ADAMTS2: variants seen among roughly 807,000 people sequenced by gnomAD.
ADAMTS2 encodes the protein ADAM metallopeptidase with thrombospondin type 1 motif 2.
In ADAMTS2, 50 loss-of-function variants were observed where a neutral mutation model predicts 123.0. That is an observed-to-expected ratio of 0.41 (90% CI 0.32 to 0.51). The LOEUF (loss-of-function observed/expected upper bound fraction) is 0.51. ADAMTS2 is among the 20% of genes least tolerant of loss of function. The pLI is 0.35. For synonymous variants in ADAMTS2, 678 were observed against 695.4 expected (o/e 0.98, Z 0.39); for missense variants, 1,494 against 1,705.2 (o/e 0.88, Z 2.18).
intron 3 of ADAMTS2, among the ~76,000 whole-genome samples, chr5:179,270,543 G>A (rs60007930): frequency 0.051 from 7,757 of 152,126 alleles, 357 homozygotes; most frequent in East Asian, 0.22. Flanking sequence ...ACACACACCC[G>A]CACCCAGGTC....
At chr5:179,209,653 G>A (rs562766175) in intron 3 of ADAMTS2, among the ~76,000 whole-genome samples, 1 of 152,072 alleles carries the variant, frequency 6.6e-6, no homozygotes, top group South Asian at 2.1e-4. Context: ...GGACAGGGGT[G>A]GGGCCGGCAG....
chr5:179,277,634 G>A (rs1367824101), intron 2 of ADAMTS2, among the ~76,000 whole-genome samples: 6 of 16,142 alleles, frequency 3.7e-4, no homozygotes, highest in African/African-American at 1.7e-3. Flanking sequence ...TGACCCCCCC[G>A]AGACCAAAGG....
chr5:179,259,425 G>A (rs1231167902), intron 3 of ADAMTS2, among the ~76,000 whole-genome samples: 1 of 152,242 alleles, frequency 6.6e-6, no homozygotes, highest in Non-Finnish European at 1.5e-5. Context: ...GTCCTGCTGT[G>A]CGTGCCGGGT....
At chr5:179,196,923 G>A (rs1175876511) in intron 4 of ADAMTS2, among the ~76,000 whole-genome samples, 1 of 152,240 alleles carries the variant, frequency 6.6e-6, no homozygotes, top group African/African-American at 2.4e-5. Context: ...ACAGGTGAAG[G>A]GCCAGGTGGC....
intron 18 of ADAMTS2, among the ~76,000 whole-genome samples, chr5:179,125,529 C>T (rs550758053): frequency 3.0e-4 from 45 of 152,276 alleles, no homozygotes; most frequent in African/African-American, 1.1e-3. Context: ...CTTCTGCTGA[C>T]GTCACAAATC....
At chr5:179,287,405 C>A (rs953560106) in intron 2 of ADAMTS2, among the ~76,000 whole-genome samples, 1 of 152,178 alleles carries the variant, frequency 6.6e-6, no homozygotes, top group African/African-American at 2.4e-5. Context: ...AGGACCCCTC[C>A]GCCAGCAGCA....
At chr5:179,143,744 G>GTT (rs774715833) in intron 10 of ADAMTS2, among the ~76,000 whole-genome samples, 1 of 151,738 alleles carries the variant, frequency 6.6e-6, no homozygotes, top group Non-Finnish European at 1.5e-5. Context: ...GAATAGATTT[G>GTT]TGTGTGTGTG....
In ADAMTS2 at chr5:179,156,966, T is replaced by C. The variant is rs536029037; in HGVS notation, c.1132+1757A>G. On this transcript the variant is annotated intron_variant, in intron 6 of 21. Transcript: ENST00000251582. Reference sequence around the variant, plus strand: ...TGGCTGTCCTTTCATTTTTTCTTTTTTTTTTTTTTTTTTTTGAGACAGAGT... The same window carrying C: ...TGGCTGTCCTTTCATTTTTTCTTTTCTTTTTTTTTTTTTTTGAGACAGAGT... 2.2e-3 allele frequency among the ~76,000 whole-genome samples: 323 copies of C among 145,166 alleles called. 3 individuals carry two copies. Among genetic ancestry groups the C allele is most frequent in the Middle Eastern group, 0.014 (4 of 280 alleles).
chr5:179,203,169 T>C (rs1764605526), intron 4 of ADAMTS2, among the ~76,000 whole-genome samples: 1 of 152,200 alleles, frequency 6.6e-6, no homozygotes, highest in African/African-American at 2.4e-5. Context: ...CCTCAGAGCC[T>C]GCATTCCCTG....
At chr5:179,125,977 G>A (rs949650520) in intron 18 of ADAMTS2, 21 bp downstream of exon 18, 1 of 1,613,134 alleles carries the variant, frequency 6.2e-7, no homozygotes, top group Non-Finnish European at 8.5e-7. Flanking sequence ...TCTAGTGGGA[G>A]CCCGAGCTGG....
At chr5:179,297,822 C>T (rs1328372718) in intron 2 of ADAMTS2, among the ~76,000 whole-genome samples, 1 of 152,170 alleles carries the variant, frequency 6.6e-6, no homozygotes, top group Non-Finnish European at 1.5e-5. Context: ...TCGGCCTCCT[C>T]CTCTCTAAAG....
rs1035527947 is a variant in ADAMTS2 at position 179,228,656 on chromosome 5, C to T, written c.689-20941G>A. Among the ~76,000 whole-genome samples, 15 of 152,382 alleles carry T rather than the reference C, an allele frequency of 9.8e-5. No individual in the cohort carries two copies. Among genetic ancestry groups the T allele is most frequent in the African/African-American group, 3.4e-4 (14 of 41,604 alleles). On this transcript the variant is annotated intron_variant, in intron 3 of 21. Transcript: ENST00000251582. The surrounding 1 kb of genome is among the most constrained non-coding windows in gnomAD (Gnocchi z 5.2). ...GCCCCCAGCCCCAGAACCCACCATG[C>T]GCGGCTGGGCCGACTGTGCCTGCCC...
chr5:179,282,474 T>C (rs369180301), intron 2 of ADAMTS2, among the ~76,000 whole-genome samples: 1 of 152,210 alleles, frequency 6.6e-6, no homozygotes, highest in Non-Finnish European at 1.5e-5. Context: ...CTCAGTTCTA[T>C]TCTACCAATC....
chr5:179,188,797 G>A lies in ADAMTS2; in HGVS notation c.892-7642C>T, dbSNP rs1764231104. ...CTGCAGATGCCTCAGGGTGGGGACG[G>A]GGCTCCTCCACTTCCAGGCCAGCTC... is the stretch of plus-strand genomic sequence containing the variant. On this transcript the variant is annotated intron_variant, in intron 4 of 21. Transcript: ENST00000251582. This position sits in a 1 kb window ranked among gnomAD's most constrained non-coding sequence, Gnocchi z 5.1. Among the ~76,000 whole-genome samples, 1 of 152,144 alleles carries A rather than the reference G, an allele frequency of 6.6e-6. No homozygotes were observed. The highest frequency in any genetic ancestry group is 2.1e-4 in the South Asian group (1 of 4,816).
At chr5:179,258,741 C>T (rs1390907008) in intron 3 of ADAMTS2, among the ~76,000 whole-genome samples, 2 of 152,194 alleles carry the variant, frequency 1.3e-5, no homozygotes, top group East Asian at 1.9e-4. Context: ...AGCGCCACCT[C>T]GACAGGTCTG....
At chr5:179,338,105 C>T (rs1447780141) in intron 2 of ADAMTS2, among the ~76,000 whole-genome samples, 1 of 152,208 alleles carries the variant, frequency 6.6e-6, no homozygotes, top group East Asian at 1.9e-4. Context: ...GTGCCAGAAA[C>T]ATACCCAGCC....
intron 1 of ADAMTS2, 117 bp from the exon 2 acceptor site, chr5:179,344,278 C>A (rs1757873847): frequency 5.2e-6 from 7 of 1,353,944 alleles, no homozygotes; most frequent in Admixed American, 4.4e-5. Flanking sequence ...AGGGGCATTC[C>A]GCCAGGCGAC....
Position 179,112,698 on chromosome 5 carries a change from C to G in ADAMTS2, c.*1169G>C, listed in dbSNP as rs1762589355. On this transcript the variant is annotated 3_prime_UTR_variant, in exon 22 of 22. Transcript: ENST00000251582. ...CCACAAAGCCCAGAATCCCAGAACC[C>G]TTAGACTTGGCCGTAGGGAGATTCC... The G allele has an allele frequency of 6.6e-6, 1 of 152,326 alleles. No homozygotes were observed. The highest frequency in any genetic ancestry group is 2.1e-4 in the South Asian group (1 of 4,836). 9.4% of individuals were successfully genotyped at this position (152,326 alleles called of 1,614,324 possible).
At chr5:179,327,127 C>G (rs757434848) in intron 2 of ADAMTS2, among the ~76,000 whole-genome samples, 4 of 152,170 alleles carry the variant, frequency 2.6e-5, no homozygotes, top group Admixed American at 2.6e-4. Context: ...TCAAGAGAAA[C>G]TGGAAATCTT....
Sources: allele counts gnomAD v4.1 joint callset (sites outside exome capture counted in the v4.1 genomes callset), GRCh38; gene constraint gnomAD v4.1.1; non-coding constraint Gnocchi (gnomAD v3.1); transcripts MANE v1.5; gene names NCBI Gene and HGNC (gene_info 2026-07-23, HGNC 2026-07-21).